Variants in NBAS observed in about 807,000 individuals in gnomAD.
The protein encoded by NBAS is NBAS subunit of NRZ tethering complex.
In NBAS, 219 loss-of-function variants were observed where a neutral mutation model predicts 302.5. The observed-to-expected ratio is 0.72, with a 90% confidence interval of 0.65 to 0.81. The LOEUF (loss-of-function observed/expected upper bound fraction) is 0.81. Among genes scored for constraint, NBAS ranks in the 30% least tolerant of loss-of-function variants. The pLI is 0.00. For missense variants in NBAS, 2,932 were observed against 2,841.6 expected (o/e 1.03, Z -0.72); for synonymous variants, 1,118 against 1,021.6 (o/e 1.09, Z -1.80).
chr2:14,937,551 C>T, the NBAS span, among the ~76,000 whole-genome samples: 4 of 152,108 alleles, frequency 2.6e-5, no homozygotes, highest in Admixed American at 6.5e-5. Flanking sequence ...GTCTTATGCC[C>T]TGGAGTAATG....
chr2:15,497,025 T>C (rs150121870), intron 11 of NBAS, among the ~76,000 whole-genome samples: 369 of 151,690 alleles, frequency 2.4e-3, no homozygotes, highest in African/African-American at 8.2e-3. Flanking sequence ...ACAAATAAGG[T>C]AAAACCATTC....
intron 40 of NBAS, among the ~76,000 whole-genome samples, chr2:15,301,705 C>T (rs369862851): frequency 6.6e-6 from 1 of 152,344 alleles, no homozygotes; most frequent in East Asian, 1.9e-4. Flanking sequence ...TGCGCTCTGA[C>T]AGAGGTAAGT....
At chr2:14,879,206 G>A in the NBAS span, among the ~76,000 whole-genome samples, 1 of 152,050 alleles carries the variant, frequency 6.6e-6, no homozygotes, top group Admixed American at 6.5e-5. Context: ...TTCACCTACT[G>A]AAGAACATTT....
chr2:14,782,509 G>C, the NBAS span, among the ~76,000 whole-genome samples: 1 of 152,280 alleles, frequency 6.6e-6, no homozygotes, highest in Non-Finnish European at 1.5e-5. Context: ...CTGTTGGTGG[G>C]AGTGCAAATT....
chr2:15,258,929 A>T (rs1202054919), intron 44 of NBAS, among the ~76,000 whole-genome samples: 2 of 152,164 alleles, frequency 1.3e-5, no homozygotes, highest in Non-Finnish European at 2.9e-5. Flanking sequence ...TCAGATGGGC[A>T]TCAAGGACCT....
chr2:15,036,744 C>T, the NBAS span, among the ~76,000 whole-genome samples: 1 of 152,164 alleles, frequency 6.6e-6, no homozygotes. Flanking sequence ...TCACGCAGCT[C>T]CTCAGGTAGA....
the NBAS span, among the ~76,000 whole-genome samples, chr2:14,962,525 C>T: frequency 6.6e-6 from 1 of 152,236 alleles, no homozygotes; most frequent in East Asian, 1.9e-4. Context: ...TGAGACCAGG[C>T]TGTCATGGAG....
chr2:15,338,674 T>TAC (rs70961409), intron 35 of NBAS, among the ~76,000 whole-genome samples: 5,206 of 134,762 alleles, frequency 0.039, 104 homozygotes, highest in East Asian at 0.061. Flanking sequence ...AACACACACA[T>TAC]ACACACACAC....
chr2:14,829,873 C>G, the NBAS span, among the ~76,000 whole-genome samples: 12 of 152,190 alleles, frequency 7.9e-5, no homozygotes, highest in Non-Finnish European at 1.6e-4. Flanking sequence ...CGTGGCTGAT[C>G]ATCAGAATCT....
At chr2:14,899,976 TC>T in the NBAS span, among the ~76,000 whole-genome samples, 2 of 152,142 alleles carry the variant, frequency 1.3e-5, no homozygotes, top group Non-Finnish European at 2.9e-5. Context: ...ACATCAGTGA[TC>T]AGTGACTATT....
chr2:15,407,934 G>A (rs1165945197), intron 25 of NBAS, among the ~76,000 whole-genome samples: 1 of 152,138 alleles, frequency 6.6e-6, no homozygotes, highest in African/African-American at 2.4e-5. Context: ...CCAGCTTCTA[G>A]AGGGTGCCCA....
intron 11 of NBAS, among the ~76,000 whole-genome samples, chr2:15,493,228 A>G (rs2148618993): frequency 6.6e-6 from 1 of 152,346 alleles, no homozygotes; most frequent in South Asian, 2.1e-4. Context: ...CTGTGAGTCA[A>G]TTAAACTTCC....
the NBAS span, among the ~76,000 whole-genome samples, chr2:15,029,700 G>A: frequency 1.3e-5 from 2 of 152,344 alleles, no homozygotes; most frequent in South Asian, 4.1e-4. Context: ...TGTAGCAGAT[G>A]AGGAAGCCCA....
At chr2:15,160,004 T>A in the NBAS span, among the ~76,000 whole-genome samples, 2 of 152,200 alleles carry the variant, frequency 1.3e-5, no homozygotes, top group East Asian at 3.8e-4. Context: ...ATTGTGAAGA[T>A]TAGCTATATT....
At chr2:15,334,196 CT>C (rs11332266) in intron 35 of NBAS, among the ~76,000 whole-genome samples, 99,875 of 147,162 alleles carry the variant, frequency 0.68, 34,396 homozygotes, top group African/African-American at 0.76. Context: ...TTTTTCTTTT[CT>C]TTTTTTTTTT....
At chr2:15,012,616 C>G in the NBAS span, among the ~76,000 whole-genome samples, 1 of 151,974 alleles carries the variant, frequency 6.6e-6, no homozygotes, top group Admixed American at 6.6e-5. Flanking sequence ...GTCAAATTGT[C>G]AAAAATCAAA....
the NBAS span, among the ~76,000 whole-genome samples, chr2:14,820,273 C>A: frequency 1.3e-5 from 2 of 152,090 alleles, no homozygotes; most frequent in East Asian, 3.9e-4. Context: ...AAGTGTTCAT[C>A]AACAAATGAA....
chr2:14,840,805 G>T, the NBAS span, among the ~76,000 whole-genome samples: 1 of 151,902 alleles, frequency 6.6e-6, no homozygotes, highest in African/African-American at 2.4e-5. Flanking sequence ...TGAAAGAAAA[G>T]AAAACATGCA....
the NBAS span, among the ~76,000 whole-genome samples, chr2:14,879,154 C>G: frequency 6.6e-6 from 1 of 152,204 alleles, no homozygotes; most frequent in Non-Finnish European, 1.5e-5. Context: ...CTTCTTAGCA[C>G]TGAATAATAT....
Sources: allele counts gnomAD v4.1 joint callset (sites outside exome capture counted in the v4.1 genomes callset), GRCh38; gene constraint gnomAD v4.1.1; transcripts MANE v1.5; gene names NCBI Gene and HGNC (gene_info 2026-07-23, HGNC 2026-07-21).